ASCC3: variants seen among roughly 807,000 people sequenced by gnomAD.
ASCC3 encodes ASC-1 complex subunit P200.
Under a neutral mutation model 256.3 loss-of-function variants are expected in ASCC3, and 158 were observed. The observed-to-expected ratio is 0.62, with a 90% CI of 0.54 to 0.70. The LOEUF (loss-of-function observed/expected upper bound fraction) is 0.70, where lower values mean the gene tolerates loss of function less well. Among genes scored for constraint, ASCC3 ranks in the 30% least tolerant of loss-of-function variants. The pLI, the probability that ASCC3 is intolerant of heterozygous loss-of-function variation, is 0.00. For synonymous variants in ASCC3, 948 were observed against 883.4 expected (o/e 1.07, Z -1.30); for missense variants, 2,259 against 2,626.0 (o/e 0.86, Z 3.05).
At chr6:100,878,640 C>T (rs1769116435) in intron 1 of ASCC3, among the ~76,000 whole-genome samples, 1 of 152,164 alleles carries the variant, frequency 6.6e-6, no homozygotes. Context: ...GGAAAAGGGC[C>T]TAGCACAGAT....
In ASCC3 at chr6:100,517,181, T is replaced by C. The variant is rs565022551; in HGVS notation, c.5927+810A>G. On this transcript the variant is annotated intron_variant, in intron 38 of 41. Coordinates refer to ENST00000369162, the MANE Select transcript of ASCC3 (RefSeq NM_006828.4). ...TGGAACCCAATATATTTAAGTCAAA[T>C]TGAGGGACTTTCCTGAGGAGACTTG... is the stretch of plus-strand genomic sequence containing the variant. Among the ~76,000 whole-genome samples, 17 of 152,128 alleles carry C rather than the reference T, an allele frequency of 1.1e-4. No homozygotes were observed. In the South Asian group the frequency reaches 3.5e-3, roughly 32 times the overall value.
At position 100,858,563 on chromosome 6, in the gene ASCC3, CAT is replaced by C. The variant is rs531708025; in HGVS notation, c.241+5499_241+5500del. ...ATAAAATGCTTTTTCTCTACTGAAT[CAT>C]GTAATTTTTAAACCTTTATTACTTT... On this transcript the variant is annotated intron_variant, in intron 3 of 41. Transcript: ENST00000369162. The C allele has an allele frequency of 4.8e-5, 47 of 982,614 alleles. No individual in the cohort carries two copies. The East Asian group carries it at 4.8e-3, about 100-fold the overall frequency. The allele number at this position is 982,614 out of a possible 1,614,324, so 60.9% of individuals were successfully genotyped here. A position where few individuals can be genotyped will look rare whatever the true frequency, so the allele number is the denominator to read the frequency against.
chr6:100,767,376 T>C (rs371630756), intron 8 of ASCC3, 31 bp from the exon 9 acceptor site: 5 of 1,592,286 alleles, frequency 3.1e-6, no homozygotes, highest in African/African-American at 2.7e-5. Context: ...CCATTATAAA[T>C]AGTAACAATG....
intron 13 of ASCC3, among the ~76,000 whole-genome samples, chr6:100,687,034 T>TCTCACA (rs1459889611): frequency 1.5e-5 from 2 of 130,564 alleles, no homozygotes; most frequent in East Asian, 2.5e-4. Context: ...TCTCTCTCTC[T>TCTCACA]CACACACACA....
At chr6:100,763,915 T>C (rs1308481970) in intron 10 of ASCC3, among the ~76,000 whole-genome samples, 2 of 152,184 alleles carry the variant, frequency 1.3e-5, no homozygotes, top group African/African-American at 2.4e-5. Context: ...CTTACATCCA[T>C]TGCTTGGCCA....
chr6:100,583,690 T>A (rs555009694), intron 36 of ASCC3, among the ~76,000 whole-genome samples: 39 of 152,356 alleles, frequency 2.6e-4, no homozygotes, highest in African/African-American at 6.7e-4. Context: ...AGGGTGTCAA[T>A]TTTGGATCTT....
At chr6:100,532,573 T>C (rs1263539049) in intron 37 of ASCC3, among the ~76,000 whole-genome samples, 1 of 151,858 alleles carries the variant, frequency 6.6e-6, no homozygotes, top group African/African-American at 2.4e-5. Flanking sequence ...TAGATGATTA[T>C]GGTCTTTTGA....
At chr6:100,663,136 T>A (rs1278296098) in intron 14 of ASCC3, among the ~76,000 whole-genome samples, 1 of 152,054 alleles carries the variant, frequency 6.6e-6, no homozygotes, top group Non-Finnish European at 1.5e-5. Context: ...TAAACCCAGC[T>A]TTGTTCACCT....
chr6:100,816,170 C>T (rs188115274), intron 4 of ASCC3, among the ~76,000 whole-genome samples: 1 of 152,238 alleles, frequency 6.6e-6, no homozygotes, highest in African/African-American at 2.4e-5. Context: ...GTCAACATCA[C>T]TGATCATTAG....
At chr6:100,797,478 G>GAAAA (rs754867943) in intron 8 of ASCC3, among the ~76,000 whole-genome samples, 1 of 113,450 alleles carries the variant, frequency 8.8e-6, no homozygotes, top group African/African-American at 3.2e-5. Flanking sequence ...AAAAAAAAAT[G>GAAAA]AAAAAAAAAA....
At chr6:100,877,135 G>C (rs534005683) in intron 1 of ASCC3, among the ~76,000 whole-genome samples, 1 of 151,876 alleles carries the variant, frequency 6.6e-6, no homozygotes. Flanking sequence ...GTATTTTTTC[G>C]TTATAAAAAT....
intron 34 of ASCC3, among the ~76,000 whole-genome samples, chr6:100,593,580 T>C (rs1772117270): frequency 6.6e-6 from 1 of 152,126 alleles, no homozygotes; most frequent in African/African-American, 2.4e-5. Context: ...TTAATGTGAA[T>C]AGTGGCAGCC....
At chr6:100,571,389 C>T (rs770621939) in intron 36 of ASCC3, among the ~76,000 whole-genome samples, 8 of 152,048 alleles carry the variant, frequency 5.3e-5, no homozygotes, top group Admixed American at 3.9e-4. Context: ...TGATTATTAC[C>T]GTGTTTTCCC....
chr6:100,549,190 AATG>A (rs1401102141), intron 36 of ASCC3, among the ~76,000 whole-genome samples: 1 of 151,942 alleles, frequency 6.6e-6, no homozygotes, highest in Non-Finnish European at 1.5e-5. Context: ...GAGACTGAAA[AATG>A]TTGTGCAAAA....
chr6:100,620,079 T>C (rs1177541090), intron 30 of ASCC3, among the ~76,000 whole-genome samples: 4 of 152,164 alleles, frequency 2.6e-5, no homozygotes, highest in African/African-American at 4.8e-5. Flanking sequence ...TGGACCTTTG[T>C]TGTTTATGGG....
intron 13 of ASCC3, chr6:100,715,207 A>G (rs1044589557): frequency 6.3e-6 from 2 of 317,082 alleles, no homozygotes; most frequent in Non-Finnish European, 1.1e-5. Context: ...TGAAAACAGT[A>G]AGAATATAAT....
intron 36 of ASCC3, among the ~76,000 whole-genome samples, chr6:100,557,458 A>G (rs1232704182): frequency 6.6e-6 from 1 of 152,122 alleles, no homozygotes; most frequent in Non-Finnish European, 1.5e-5. Context: ...TAATTTGTAT[A>G]TCTTTCTAAT....
chr6:100,767,312 G>C lies in ASCC3; in HGVS notation c.1429C>G (p.Leu477Val). The C allele has an allele frequency of 6.2e-7, 1 of 1,610,584 alleles. No individual in the cohort carries two copies. The highest frequency in any genetic ancestry group is 1.1e-5 in the South Asian group (1 of 90,794). Residue 477 changes from leucine (L) to valine (V), a missense_variant, in exon 9 of 42, where the codon CTC (leucine) becomes GTC (valine). Coordinates refer to ENST00000369162, the MANE Select transcript of ASCC3 (RefSeq NM_006828.4). ...GQLAFKGMKR[L>V]NRIQSIVFET... is the part of the protein sequence containing the mutation. ...AACACTATTGACTGGATTCTATTGA[G>C]TCTCTTCATTCCTTTAAAAGCCAGC... is the stretch of plus-strand genomic sequence containing the variant.
At chr6:100,685,133 C>G (rs1351852770) in intron 13 of ASCC3, among the ~76,000 whole-genome samples, 2 of 152,048 alleles carry the variant, frequency 1.3e-5, no homozygotes, top group African/African-American at 4.8e-5. Context: ...TCTAGGAATA[C>G]TGCTAAGAAG....
Sources: allele counts gnomAD v4.1 joint callset (sites outside exome capture counted in the v4.1 genomes callset), GRCh38; gene constraint gnomAD v4.1.1; transcripts MANE v1.5; gene names NCBI Gene and HGNC (gene_info 2026-07-23, HGNC 2026-07-21).